Variants in CD2AP observed in about 807,000 individuals in gnomAD.
CD2AP encodes the protein CD2-associated protein.
In CD2AP, 46 loss-of-function variants were observed where a neutral mutation model predicts 85.1. That is an observed-to-expected ratio of 0.54 (90% CI 0.43 to 0.69). The LOEUF (loss-of-function observed/expected upper bound fraction) is 0.69. CD2AP is among the 30% of genes least tolerant of loss of function. The probability of loss-of-function intolerance (pLI) is 0.00; values close to 1 mark genes in which losing one functional copy is unlikely to be tolerated. For synonymous variants in CD2AP, 255 were observed against 252.9 expected, an observed-to-expected ratio of 1.01 and a Z score of -0.08; for missense variants, 769 against 729.5, an observed-to-expected ratio of 1.05 and a Z score of -0.62.
At chr6:47,502,703 G>A (rs1347882419) in intron 1 of CD2AP, among the ~76,000 whole-genome samples, 1 of 151,844 alleles carries the variant, frequency 6.6e-6, no homozygotes, top group Non-Finnish European at 1.5e-5. Context: ...CAGGTTGGCC[G>A]GGGTGGTCTC....
At chr6:47,502,360 C>T (rs1350064753) in intron 1 of CD2AP, among the ~76,000 whole-genome samples, 2 of 151,932 alleles carry the variant, frequency 1.3e-5, no homozygotes, top group African/African-American at 4.8e-5. Flanking sequence ...TCACCAATGC[C>T]TTGACCTCCT....
chr6:47,596,567 TCGA>T (rs1358038354), intron 12 of CD2AP, among the ~76,000 whole-genome samples: 1 of 152,108 alleles, frequency 6.6e-6, no homozygotes, highest in Non-Finnish European at 1.5e-5. Flanking sequence ...TCCAGATTCG[TCGA>T]TGATGTTGCA....
chr6:47,624,291 G>A lies in CD2AP; in HGVS notation c.*64G>A, dbSNP rs1235303720. 5 of 1,256,054 alleles carry A rather than the reference G, an allele frequency of 4.0e-6. No homozygotes were observed. Among genetic ancestry groups the A allele is most frequent in the Non-Finnish European group, 5.8e-6 (5 of 855,932 alleles). The allele number at this position is 1,256,054 out of a possible 1,614,324, so 77.8% of individuals were successfully genotyped here. On this transcript the variant is annotated 3_prime_UTR_variant, in exon 18 of 18. Transcript: ENST00000359314. ...AGAAGCAACGCTATGAACTTCAGCT[G>A]ACTTGTTACTTAAAAATTGTGAATT...
chr6:47,547,105 C>A (rs1489506507), intron 4 of CD2AP, among the ~76,000 whole-genome samples: 2 of 151,892 alleles, frequency 1.3e-5, no homozygotes, highest in African/African-American at 4.8e-5. Flanking sequence ...ACCTATAAAA[C>A]AAAAATAGAA....
intron 13 of CD2AP, among the ~76,000 whole-genome samples, chr6:47,605,013 A>C (rs1769232473): frequency 6.6e-6 from 1 of 152,002 alleles, no homozygotes; most frequent in African/African-American, 2.4e-5. Context: ...AGCATTTTCT[A>C]AATAAGTTGA....
At chr6:47,585,333 T>C (rs1768596472) in intron 11 of CD2AP, among the ~76,000 whole-genome samples, 2 of 151,944 alleles carry the variant, frequency 1.3e-5, no homozygotes, top group South Asian at 4.1e-4. Context: ...GATGCATTTT[T>C]GTTACTTTTA....
At chr6:47,495,940 A>G (rs1765847344) in intron 1 of CD2AP, among the ~76,000 whole-genome samples, 1 of 152,178 alleles carries the variant, frequency 6.6e-6, no homozygotes, top group Non-Finnish European at 1.5e-5. Flanking sequence ...GAACAATTTT[A>G]ACTCCCAACT....
intron 1 of CD2AP, among the ~76,000 whole-genome samples, chr6:47,494,081 C>T (rs1040813512): frequency 6.6e-6 from 1 of 152,120 alleles, no homozygotes; most frequent in Non-Finnish European, 1.5e-5. Flanking sequence ...TGCTTTGTCT[C>T]TTTAGACTTG....
chr6:47,625,486 A>G lies in CD2AP; in HGVS notation c.*1259A>G, dbSNP rs181927058. On this transcript the variant is annotated 3_prime_UTR_variant, in exon 18 of 18. Coordinates refer to ENST00000359314, the MANE Select transcript of CD2AP (RefSeq NM_012120.3). ...TGTTTCTTCAGAGTTACTTATGAAC[A>G]GTTGAATGCTTTAAAATGTTCTGTC... 1 of 152,070 alleles carries G rather than the reference A, an allele frequency of 6.6e-6. No individual in the cohort carries two copies. The highest frequency in any genetic ancestry group is 1.9e-4 in the East Asian group (1 of 5,194). The allele number at this position is 152,070 out of a possible 1,614,324, so 9.4% of individuals were successfully genotyped here. A position where few individuals can be genotyped will look rare whatever the true frequency, so the allele number is the denominator to read the frequency against.
intron 17 of CD2AP, among the ~76,000 whole-genome samples, chr6:47,619,370 A>G (rs773044847): frequency 5.9e-5 from 9 of 152,196 alleles, no homozygotes; most frequent in African/African-American, 1.4e-4. Flanking sequence ...ATAGTCTCCA[A>G]TTTCATGCAG....
chr6:47,483,583 A>G (rs868731069), intron 1 of CD2AP, among the ~76,000 whole-genome samples: 1 of 152,188 alleles, frequency 6.6e-6, no homozygotes, highest in Non-Finnish European at 1.5e-5. Context: ...CCAAGAGGTA[A>G]TAACAAGACA....
chr6:47,532,297 C>T (rs1766902489), intron 2 of CD2AP, among the ~76,000 whole-genome samples: 1 of 149,088 alleles, frequency 6.7e-6, no homozygotes, highest in Non-Finnish European at 1.5e-5. Context: ...GAGCCATGAT[C>T]ATGCCACTGC....
chr6:47,595,535 CAT>C (rs1173188917), intron 11 of CD2AP, among the ~76,000 whole-genome samples: 1 of 151,886 alleles, frequency 6.6e-6, no homozygotes, highest in African/African-American at 2.4e-5. Context: ...AGAGTAAAAT[CAT>C]GTGTGGTTGT....
At chr6:47,591,520 G>A (rs1466802305) in intron 11 of CD2AP, among the ~76,000 whole-genome samples, 2 of 151,958 alleles carry the variant, frequency 1.3e-5, no homozygotes, top group African/African-American at 4.8e-5. Context: ...TTTTCTCTAA[G>A]GCATCTCCAA....
At chr6:47,521,358 C>T (rs1023516083) in intron 2 of CD2AP, among the ~76,000 whole-genome samples, 2 of 152,062 alleles carry the variant, frequency 1.3e-5, no homozygotes, top group African/African-American at 4.8e-5. Context: ...TTGAGACCAG[C>T]TTTGCCAACA....
chr6:47,601,585 G>C (rs1317222460), intron 13 of CD2AP, among the ~76,000 whole-genome samples: 1 of 152,008 alleles, frequency 6.6e-6, no homozygotes, highest in African/African-American at 2.4e-5. Context: ...AGTCAGTAGT[G>C]TATGTCGTAA....
intron 1 of CD2AP, among the ~76,000 whole-genome samples, chr6:47,502,430 GT>G (rs1484873110): frequency 6.6e-6 from 1 of 151,104 alleles, no homozygotes; most frequent in Non-Finnish European, 1.5e-5. Context: ...TGTCTGGCTG[GT>G]TTTTGCGTTT....
chr6:47,578,360 C>T lies in CD2AP; in HGVS notation c.904-1025C>T, dbSNP rs115038661. On this transcript the variant is annotated intron_variant, in intron 8 of 17. Transcript: ENST00000359314. Reference sequence around the variant, plus strand: ...AGACTACTACAGTTGCATCCCATTGCGCCTGATTAATTCTTTTTTCAAAAT... The same window carrying T: ...AGACTACTACAGTTGCATCCCATTGTGCCTGATTAATTCTTTTTTCAAAAT... 3.6e-3 allele frequency among the ~76,000 whole-genome samples: 544 copies of T among 151,878 alleles called. 2 individuals are homozygous for T. Among genetic ancestry groups the T allele is most frequent in the African/African-American group, 0.012 (512 of 41,396 alleles).
intron 2 of CD2AP, among the ~76,000 whole-genome samples, chr6:47,510,829 C>CT (rs1766292701): frequency 6.6e-6 from 1 of 151,972 alleles, no homozygotes; most frequent in South Asian, 2.1e-4. Flanking sequence ...AATTCCAGCA[C>CT]TTTGGGAGGC....
Sources: allele counts gnomAD v4.1 joint callset (sites outside exome capture counted in the v4.1 genomes callset), GRCh38; gene constraint gnomAD v4.1.1; transcripts MANE v1.5; gene names NCBI Gene and HGNC (gene_info 2026-07-23, HGNC 2026-07-21).